Variants in MDGA1 observed in about 807,000 individuals in gnomAD.
The protein encoded by MDGA1 is MAM domain-containing glycosylphosphatidylinositol anchor protein 1.
A neutral mutation model predicts 101.5 loss-of-function variants in MDGA1; 54 were observed. The ratio of observed to expected loss-of-function variants is 0.53; its 90% CI spans 0.43 to 0.67. The LOEUF (loss-of-function observed/expected upper bound fraction) is 0.67, where lower values mean the gene tolerates loss of function less well. Ranked by LOEUF, MDGA1 falls within the 30% of genes least tolerant of loss-of-function variation. The pLI, the probability that MDGA1 is intolerant of heterozygous loss-of-function variation, is 0.00. For missense variants in MDGA1, 1,083 were observed against 1,323.8 expected (o/e 0.82, Z 2.82); for synonymous variants, 533 against 558.3 (o/e 0.95, Z 0.64).
chr6:37,666,114 G>A (rs952829565), intron 1 of MDGA1, among the ~76,000 whole-genome samples: 2 of 151,676 alleles, frequency 1.3e-5, no homozygotes, highest in Admixed American at 6.6e-5. Flanking sequence ...TTGGGAGGCC[G>A]AGGCGGGTGG....
chr6:37,650,435 G>A (rs765050012), intron 7 of MDGA1, 30 bp from the exon 8 acceptor site: 2 of 1,490,186 alleles, frequency 1.3e-6, no homozygotes, highest in East Asian at 2.4e-5. Flanking sequence ...CAGCGGAGAG[G>A]TAGGAGCGGA....
chr6:37,649,183 C>T lies in MDGA1; in HGVS notation c.1693G>A (p.Gly565Ser). The T allele has an allele frequency of 6.7e-7, 1 of 1,498,810 alleles. No individual in the cohort carries two copies. The highest frequency in any genetic ancestry group is 8.8e-7 in the Non-Finnish European group (1 of 1,132,526). The allele number at this position is 1,498,810 out of a possible 1,614,324, so 92.8% of individuals were successfully genotyped here. A position where few individuals can be genotyped will look rare whatever the true frequency, so the allele number is the denominator to read the frequency against. ...GCCGAGGCGATGCGCTGGGGGCTGC[C>T]TCGCAGCAGCGAGCAGCGCAGGAGC... ...PVLLRCSLLR[G>S]SPQRIASAVW... Residue 565 changes from glycine (G) to serine (S), a missense_variant, in exon 9 of 17, where the codon GGC becomes AGC. Around this residue, in one of 3 missense-constraint regions of MDGA1, gnomAD observed 657 missense variants for 771.4 expected, o/e 0.85. Coordinates refer to ENST00000434837, the MANE Select transcript of MDGA1 (RefSeq NM_153487.4).
Position 37,647,162 on chromosome 6 carries a change from C to G in MDGA1, c.2046+11G>C. The G allele has an allele frequency of 3.1e-6, 5 of 1,588,806 alleles. No homozygotes were observed. The highest frequency in any genetic ancestry group is 4.3e-6 in the Non-Finnish European group (5 of 1,167,848). On this transcript the variant is annotated intron_variant, in intron 10 of 16. Coordinates refer to ENST00000434837, the MANE Select transcript of MDGA1 (RefSeq NM_153487.4). Reference sequence around the variant, plus strand: ...CACCTGCCCCCAGGCCCCCGCTCCCCCTTGGCCCACCTGGCGGATGCTGAG... The same window carrying G: ...CACCTGCCCCCAGGCCCCCGCTCCCGCTTGGCCCACCTGGCGGATGCTGAG...
chr6:37,646,291 G>T lies in MDGA1; in HGVS notation c.2131C>A (p.Leu711Ile), dbSNP rs1392156230. Residue 711 changes from leucine (L) to isoleucine (I), a missense_variant, in exon 11 of 17, where the codon CTC (leucine) becomes ATC (isoleucine). By Grantham distance (5) the Leu-to-Ile change is conservative. Coordinates refer to ENST00000434837, the MANE Select transcript of MDGA1 (RefSeq NM_153487.4). ...GQLLEYILTD[L>I]RVPHSYEVRL... ...ACCTCATAGCTGTGGGGCACACGGA[G>T]ATCGGTCAGGATGTACTCCAGCAGC... 4 of 1,601,354 alleles carry T rather than the reference G, an allele frequency of 2.5e-6. No individual in the cohort carries two copies. In the East Asian group the frequency reaches 9.0e-5, roughly 36 times the overall value.
Position 37,659,612 on chromosome 6 carries a change from A to C in MDGA1, c.208-1193T>G, listed in dbSNP as rs1219363086. ...CTTTAAGTAGGGAGGCTTGTTTATT[A>C]CAGAGACAGGGCAGGCAGCCTGATC... On this transcript the variant is annotated intron_variant, in intron 2 of 16. Transcript: ENST00000434837. Among the ~76,000 whole-genome samples, 4 of 152,146 alleles carry C rather than the reference A, an allele frequency of 2.6e-5. No homozygotes were observed. In the South Asian group the frequency reaches 8.3e-4, roughly 32 times the overall value.
rs184891828 is a variant in MDGA1, at chr6:37,637,381, G to A, written c.2855C>T (p.Ala952Val). 127 of 1,613,420 alleles carry A rather than the reference G, an allele frequency of 7.9e-5. No homozygotes were observed. In the African/African-American group the frequency reaches 1.2e-3, roughly 16 times the overall value. The change falls in exon 17 of 17, where the codon GCG (alanine) becomes GTG (valine). Residue 952 changes from alanine (A) to valine (V), a missense_variant. Physicochemically the swap from Ala to Val is moderately conservative, Grantham distance 64. This residue lies in a region of MDGA1 where 657 missense variants were observed against 771.4 expected (regional missense o/e 0.85). Coordinates refer to ENST00000434837, the MANE Select transcript of MDGA1 (RefSeq NM_153487.4). ...ACACAGCTCTCATCATCTCTGCAAC[G>A]CCAAGAGGAAGATGGCCATGGGCCC... The part of the protein sequence containing the change: ...LWGPMAIFLL[A>V]LQR
Position 37,655,731 on chromosome 6 carries a change from C to G in MDGA1, c.548G>C (p.Gly183Ala). The change falls in exon 4 of 17, where the codon GGG becomes GCG. Residue 183 changes from glycine to alanine, a missense_variant. By Grantham distance (60) the Gly-to-Ala change is moderately conservative. Around this residue, in one of 3 missense-constraint regions of MDGA1, gnomAD observed 310 missense variants for 355.9 expected, o/e 0.87. Transcript: ENST00000434837. This position sits in a 1 kb window ranked among gnomAD's most constrained non-coding sequence, Gnocchi z 5.1. ...GTAGAGGGGCTCATAGATGTCAACC[C>G]CATTGTCCTGGCTGTGGGATAGGGT... Reference protein sequence around the residue: ...SDTLSHSQDNGVDIYEPLYTQ... With the variant: ...SDTLSHSQDNAVDIYEPLYTQ... 6.2e-7 allele frequency: 1 copy of G among 1,612,534 alleles called. No homozygotes were observed. Among genetic ancestry groups the G allele is most frequent in the Non-Finnish European group, 8.5e-7 (1 of 1,179,232 alleles).
At chr6:37,645,388 G>A (rs181811598) in intron 12 of MDGA1, among the ~76,000 whole-genome samples, 80 of 152,282 alleles carry the variant, frequency 5.3e-4, no homozygotes, top group African/African-American at 1.8e-3. Context: ...ACAAAAATCA[G>A]CCAGGTGCGG....
At chr6:37,637,687 A>G (rs1763961921) in intron 16 of MDGA1, among the ~76,000 whole-genome samples, 1 of 152,100 alleles carries the variant, frequency 6.6e-6, no homozygotes. Context: ...TAAGACTTGG[A>G]ACAATTTACT....
chr6:37,658,096 A>C, intron 3 of MDGA1, 149 bp downstream of exon 3: 2 of 847,550 alleles, frequency 2.4e-6, no homozygotes, highest in Non-Finnish European at 1.7e-6. Context: ...AGGGTGGTAC[A>C]CACCGCCTGG....
Position 37,646,346 on chromosome 6 carries a change from G to A in MDGA1, c.2076C>T (p.Ala692=), listed in dbSNP as rs1369487685. The A allele has an allele frequency of 2.6e-6, 4 of 1,564,652 alleles. No homozygotes were observed. Among genetic ancestry groups the A allele is most frequent in the South Asian group, 1.2e-5 (1 of 82,990 alleles). Residue 692 remains alanine (A), a synonymous_variant, in exon 11 of 17, where the codon GCC becomes GCT. Coordinates refer to ENST00000434837, the MANE Select transcript of MDGA1 (RefSeq NM_153487.4). Reference sequence around the variant, plus strand: ...CCTTCTCCACACGCCGGACCGGGATGGCCTTGACCACCGCATTGTGCTGGT... The same window carrying A: ...CCTTCTCCACACGCCGGACCGGGATAGCCTTGACCACCGCATTGTGCTGGT... The part of the protein sequence containing the change: ...QLNQHNAVVK[A]IPVRRVEKGQ...
rs1761445860 is a variant in MDGA1, at chr6:37,654,813, G to A, written c.699C>T (p.Leu233=). 2 of 1,613,728 alleles carry A rather than the reference G, an allele frequency of 1.2e-6. No homozygotes were observed. Among genetic ancestry groups the A allele is most frequent in the Non-Finnish European group, 1.7e-6 (2 of 1,179,844 alleles). ...GIPDKAITFR[L]TNTTAPPALK... ...AAATGCCTGTACCCGTGGTGTTGGT[G>A]AGCCGGAAGGTGATGGCCTTGTCTG... The change falls in exon 5 of 17, where the codon CTC becomes CTT. Residue 233 remains leucine, a synonymous_variant. Coordinates refer to ENST00000434837, the MANE Select transcript of MDGA1 (RefSeq NM_153487.4).
intron 1 of MDGA1, among the ~76,000 whole-genome samples, chr6:37,667,688 C>T (rs903119349): frequency 4.6e-5 from 7 of 152,180 alleles, no homozygotes; most frequent in East Asian, 1.9e-4. Context: ...AGGAAGACAT[C>T]GATTTAACAG....
intron 2 of MDGA1, among the ~76,000 whole-genome samples, chr6:37,662,917 C>A (rs1761660406): frequency 6.6e-6 from 1 of 152,180 alleles, no homozygotes. Context: ...AATGATCACA[C>A]CTGACACAGA....
intron 1 of MDGA1, among the ~76,000 whole-genome samples, chr6:37,666,536 T>A (rs1222857595): frequency 6.6e-6 from 1 of 152,162 alleles, no homozygotes; most frequent in Non-Finnish European, 1.5e-5. Flanking sequence ...CTTCTTTATG[T>A]GTCTAGAGTA....
chr6:37,680,306 G>C lies in MDGA1; in HGVS notation c.68-16200C>G, dbSNP rs1015350711. On this transcript the variant is annotated intron_variant, in intron 1 of 16. Transcript: ENST00000434837. Reference sequence around the variant, plus strand: ...CAAGGTGGGGCCAAAAGAAGCAATCGGGGAGAAAGGAAGCCAGCCTGCTCA... The same window carrying C: ...CAAGGTGGGGCCAAAAGAAGCAATCCGGGAGAAAGGAAGCCAGCCTGCTCA... 2.6e-5 allele frequency among the ~76,000 whole-genome samples: 4 copies of C among 152,206 alleles called. No homozygotes were observed. In the East Asian group the frequency reaches 7.7e-4, roughly 29 times the overall value.
chr6:37,689,448 A>G (rs1255053936), intron 1 of MDGA1, among the ~76,000 whole-genome samples: 1 of 152,208 alleles, frequency 6.6e-6, no homozygotes, highest in African/African-American at 2.4e-5. Flanking sequence ...ATTGTCACTA[A>G]AACTATTTAC....
chr6:37,646,915 C>T (rs935530551), intron 10 of MDGA1, among the ~76,000 whole-genome samples: 3 of 152,208 alleles, frequency 2.0e-5, no homozygotes, highest in African/African-American at 4.8e-5. Flanking sequence ...CCCTCCCCCA[C>T]GAACCCAGCA....
chr6:37,658,199 C>A (rs749176328), intron 3 of MDGA1, 46 bp downstream of exon 3: 12 of 1,500,428 alleles, frequency 8.0e-6, no homozygotes, highest in South Asian at 1.3e-5. Context: ...CCCTCTGGCC[C>A]GGGCTGGGCT....
Sources: allele counts gnomAD v4.1 joint callset (sites outside exome capture counted in the v4.1 genomes callset), GRCh38; gene constraint gnomAD v4.1.1; regional missense constraint gnomAD v4.1.1; non-coding constraint Gnocchi (gnomAD v3.1); transcripts MANE v1.5; gene names NCBI Gene and HGNC (gene_info 2026-07-23, HGNC 2026-07-21).